Variants in GPC5 observed in about 807,000 individuals in gnomAD.
GPC5 encodes glypican 5, also known as glypican-5.
Under a neutral mutation model 53.9 loss-of-function variants are expected in GPC5, and 47 were observed. That is an observed-to-expected ratio of 0.87 (90% CI 0.69 to 1.11). The LOEUF (loss-of-function observed/expected upper bound fraction) is 1.11. Ranked by LOEUF, GPC5 falls within the 50% of genes most tolerant of loss-of-function variation. GPC5 has a pLI of 0.00. For synonymous variants in GPC5, 286 were observed against 263.3 expected, an observed-to-expected ratio of 1.09 and a Z score of -0.84; for missense variants, 748 against 713.1, an observed-to-expected ratio of 1.05 and a Z score of -0.56.
chr13:91,558,130 T>C (rs2031059258), intron 2 of GPC5, among the ~76,000 whole-genome samples: 2 of 152,142 alleles, frequency 1.3e-5, no homozygotes, highest in Non-Finnish European at 2.9e-5. Context: ...TGACAGTTTC[T>C]ACTGAAGCTG....
intron 7 of GPC5, among the ~76,000 whole-genome samples, chr13:92,295,150 C>A (rs2043025981): frequency 6.6e-6 from 1 of 152,042 alleles, no homozygotes; most frequent in South Asian, 2.1e-4. Context: ...GATGTAGGCA[C>A]TTAGGGCTAT....
chr13:92,747,055 G>C (rs890594466), intron 7 of GPC5, among the ~76,000 whole-genome samples: 1 of 152,098 alleles, frequency 6.6e-6, no homozygotes, highest in Non-Finnish European at 1.5e-5. Context: ...CATGGAAAAG[G>C]TACAGTAAAG....
Position 91,533,689 on chromosome 13 carries a change from G to A in GPC5, c.325+84767G>A, listed in dbSNP as rs143405800. 3.2e-3 allele frequency among the ~76,000 whole-genome samples: 488 copies of A among 152,298 alleles called. 3 individuals are homozygous for A. Among genetic ancestry groups the A allele is most frequent in the African/African-American group, 0.011 (469 of 41,570 alleles). On this transcript the variant is annotated intron_variant, in intron 2 of 7. Transcript: ENST00000377067. Reference sequence around the variant, plus strand: ...GATTAGCACAGGCCACCGAAAGGAAGCAAAACTTAAACAGGTCTGTGAATG... The same window carrying A: ...GATTAGCACAGGCCACCGAAAGGAAACAAAACTTAAACAGGTCTGTGAATG...
rs535650761 is a variant in GPC5, at chr13:92,744,275, G to T, written c.1562-122007G>T. ...ATAGAGCTGAAATCTACAAGATAGG[G>T]AAAGTGAGAGCAGGAGTATATCTGA... is the stretch of plus-strand genomic sequence containing the variant. On this transcript the variant is annotated intron_variant, in intron 7 of 7. Transcript: ENST00000377067. Among the ~76,000 whole-genome samples the T allele has an allele frequency of 3.3e-5, 5 of 152,152 alleles. No individual in the cohort carries two copies. The South Asian group carries it at 1.0e-3, about 32-fold the overall frequency.
intron 5 of GPC5, among the ~76,000 whole-genome samples, chr13:91,768,004 T>G (rs2037556227): frequency 6.6e-6 from 1 of 152,196 alleles, no homozygotes; most frequent in Non-Finnish European, 1.5e-5. Flanking sequence ...AGGTTACACC[T>G]GAAAAGCTAT....
intron 6 of GPC5, among the ~76,000 whole-genome samples, chr13:91,949,403 A>C (rs1030597576): frequency 6.6e-6 from 1 of 152,220 alleles, no homozygotes; most frequent in African/African-American, 2.4e-5. Context: ...GAACAGTGAA[A>C]GATTAAAAAA....
chr13:92,663,856 CT>C (rs1886462695), intron 7 of GPC5, among the ~76,000 whole-genome samples: 1 of 88,340 alleles, frequency 1.1e-5, no homozygotes, highest in Non-Finnish European at 2.2e-5. Flanking sequence ...CACACACACA[CT>C]ATATATATAT....
chr13:92,274,680 G>A (rs1296505431), intron 7 of GPC5, among the ~76,000 whole-genome samples: 1 of 152,246 alleles, frequency 6.6e-6, no homozygotes, highest in Non-Finnish European at 1.5e-5. Context: ...CCATGTATAA[G>A]CTCACACCAT....
chr13:92,299,837 T>C (rs1049611040), intron 7 of GPC5, among the ~76,000 whole-genome samples: 1 of 152,196 alleles, frequency 6.6e-6, no homozygotes, highest in Admixed American at 6.5e-5. Flanking sequence ...ATTTTATACA[T>C]AGTAAAAGCT....
At chr13:92,514,637 A>AT (rs1880700824) in intron 7 of GPC5, among the ~76,000 whole-genome samples, 1 of 152,126 alleles carries the variant, frequency 6.6e-6, no homozygotes, top group South Asian at 2.1e-4. Flanking sequence ...TGGGGCCTCC[A>AT]TTTGCCCAAT....
At chr13:91,504,501 G>C (rs1884831324) in intron 2 of GPC5, among the ~76,000 whole-genome samples, 1 of 151,924 alleles carries the variant, frequency 6.6e-6, no homozygotes, top group South Asian at 2.1e-4. Flanking sequence ...AAATAATAAA[G>C]AATATAGTTA....
intron 5 of GPC5, among the ~76,000 whole-genome samples, chr13:91,834,953 A>G (rs2038706224): frequency 6.6e-6 from 1 of 152,188 alleles, no homozygotes; most frequent in Non-Finnish European, 1.5e-5. Context: ...ATCAGAGTGA[A>G]CAGGCAACCT....
At chr13:92,695,929 A>G (rs1013421586) in intron 7 of GPC5, among the ~76,000 whole-genome samples, 1 of 151,832 alleles carries the variant, frequency 6.6e-6, no homozygotes, top group Admixed American at 6.6e-5. Flanking sequence ...CCAACTACCT[A>G]TGAGTGAGAA....
intron 5 of GPC5, among the ~76,000 whole-genome samples, chr13:91,870,045 A>G (rs567423276): frequency 6.6e-6 from 1 of 152,290 alleles, no homozygotes; most frequent in East Asian, 1.9e-4. Context: ...TTAGTATAAC[A>G]TGACTTTGTG....
At chr13:91,776,109 C>G (rs1014297166) in intron 5 of GPC5, among the ~76,000 whole-genome samples, 1 of 152,194 alleles carries the variant, frequency 6.6e-6, no homozygotes, top group African/African-American at 2.4e-5. Context: ...ATTCATATAT[C>G]CATGACAGCA....
intron 1 of GPC5, among the ~76,000 whole-genome samples, chr13:91,430,757 A>C (rs1401347068): frequency 6.6e-6 from 1 of 152,160 alleles, no homozygotes; most frequent in African/African-American, 2.4e-5. Context: ...AATTTGGGTT[A>C]GATTTTTGTT....
chr13:92,593,431 T>C (rs559454821), intron 7 of GPC5, among the ~76,000 whole-genome samples: 14 of 151,222 alleles, frequency 9.3e-5, no homozygotes, highest in African/African-American at 3.1e-4. Flanking sequence ...GAGTTCTTTT[T>C]CTGGAAACAT....
intron 1 of GPC5, among the ~76,000 whole-genome samples, chr13:91,427,691 GT>G (rs1879152679): frequency 6.6e-6 from 1 of 152,118 alleles, no homozygotes; most frequent in Non-Finnish European, 1.5e-5. Flanking sequence ...GGCATGTTTG[GT>G]TTTGAAATGT....
chr13:91,481,175 G>A (rs1248846484), intron 2 of GPC5, among the ~76,000 whole-genome samples: 5 of 152,080 alleles, frequency 3.3e-5, no homozygotes, highest in Non-Finnish European at 5.9e-5. Flanking sequence ...GTCTTGTGGT[G>A]AGCATTCACA....
Sources: gnomAD v4.1 joint callset for allele counts (sites outside exome capture counted in the v4.1 genomes callset) on GRCh38, gnomAD v4.1.1 for gene constraint, MANE v1.5 for transcripts, NCBI Gene and HGNC (gene_info 2026-07-23, HGNC 2026-07-21) for gene names.